The following GLIS3 variants were observed in gnomAD, a reference collection of about 807,000 sequenced individuals.
GLIS3 encodes the protein GLIS family zinc finger 3.
Under a neutral mutation model 78.6 loss-of-function variants are expected in GLIS3, and 53 were observed. The ratio of observed to expected loss-of-function variants is 0.67; its 90% CI spans 0.54 to 0.85. The LOEUF is 0.85. GLIS3 is among the 40% of genes least tolerant of loss of function. The pLI, the probability that GLIS3 is intolerant of heterozygous loss-of-function variation, is 0.00. For synonymous variants in GLIS3, 684 were observed against 509.9 expected, an observed-to-expected ratio of 1.34 and a Z score of -4.60; for missense variants, 1,703 against 1,231.1, an observed-to-expected ratio of 1.38 and a Z score of -5.74.
chr9:4,254,839 C>CAA (rs751442404), intron 2 of GLIS3, among the ~76,000 whole-genome samples: 15 of 70,014 alleles, frequency 2.1e-4, no homozygotes, highest in East Asian at 1.2e-3. Flanking sequence ...GACTACGTCT[C>CAA]AAAAAAAAAA....
At chr9:3,928,271 T>G (rs1372651081) in intron 6 of GLIS3, among the ~76,000 whole-genome samples, 1 of 152,196 alleles carries the variant, frequency 6.6e-6, no homozygotes, top group Non-Finnish European at 1.5e-5. Context: ...TATGACTGAT[T>G]TTTAATTTAT....
At chr9:4,190,712 C>G (rs1395179192) in intron 2 of GLIS3, among the ~76,000 whole-genome samples, 1 of 152,064 alleles carries the variant, frequency 6.6e-6, no homozygotes, top group African/African-American at 2.4e-5. Context: ...AGAAGAGCAA[C>G]TCCAAGACAC....
intron 1 of GLIS3, among the ~76,000 whole-genome samples, chr9:4,348,010 A>G (rs1156918917): frequency 6.6e-6 from 1 of 152,208 alleles, no homozygotes. Flanking sequence ...GATATGCCAA[A>G]AACCAATTTA....
intron 2 of GLIS3, among the ~76,000 whole-genome samples, chr9:4,321,332 G>T (rs71490228): frequency 2.4e-4 from 30 of 127,040 alleles, no homozygotes; most frequent in African/African-American, 1.0e-3. Context: ...TGAGGCAGGA[G>T]AATGGCGTGA....
intron 2 of GLIS3, among the ~76,000 whole-genome samples, chr9:4,234,699 A>G (rs888579452): frequency 2.6e-5 from 4 of 152,254 alleles, no homozygotes; most frequent in Non-Finnish European, 5.9e-5. Context: ...CAGGTTTGCT[A>G]CAAACCTTCA....
chr9:3,910,621 G>C (rs1009022570), intron 6 of GLIS3, among the ~76,000 whole-genome samples: 1 of 152,206 alleles, frequency 6.6e-6, no homozygotes, highest in African/African-American at 2.4e-5. Flanking sequence ...AAGGTGCTGA[G>C]ATTACAGAGG....
upstream of GLIS3, among the ~76,000 whole-genome samples, chr9:4,353,217 G>A (rs1054298887): frequency 3.3e-5 from 5 of 152,176 alleles, no homozygotes; most frequent in African/African-American, 1.2e-4. Flanking sequence ...AAAGTAAGCA[G>A]ACTTCTGTAC....
intron 4 of GLIS3, among the ~76,000 whole-genome samples, chr9:4,111,943 C>A (rs1831247000): frequency 6.6e-6 from 1 of 152,062 alleles, no homozygotes; most frequent in Non-Finnish European, 1.5e-5. Context: ...AGAGAAAATT[C>A]AATATTTTAG....
chr9:4,372,398 G>A, the GLIS3 span, among the ~76,000 whole-genome samples: 2 of 151,888 alleles, frequency 1.3e-5, no homozygotes. Context: ...CCCCTCCCAT[G>A]GTTAGCTAAT....
At chr9:3,944,703 G>A (rs1465597162) in intron 4 of GLIS3, among the ~76,000 whole-genome samples, 1 of 152,238 alleles carries the variant, frequency 6.6e-6, no homozygotes, top group African/African-American at 2.4e-5. Flanking sequence ...GAGCAAATAT[G>A]TTTTATGGCT....
chr9:4,222,835 G>A (rs760949828), intron 2 of GLIS3, among the ~76,000 whole-genome samples: 6 of 152,218 alleles, frequency 3.9e-5, no homozygotes, highest in African/African-American at 7.2e-5. Context: ...TCATTTTGCT[G>A]TCAGTAAGAT....
chr9:4,260,919 A>G (rs1825469122), intron 2 of GLIS3, among the ~76,000 whole-genome samples: 1 of 152,214 alleles, frequency 6.6e-6, no homozygotes, highest in Non-Finnish European at 1.5e-5. Context: ...GCTACTGAGC[A>G]ACAGAAATGT....
At chr9:4,362,022 T>C in the GLIS3 span, among the ~76,000 whole-genome samples, 1 of 152,212 alleles carries the variant, frequency 6.6e-6, no homozygotes, top group African/African-American at 2.4e-5. Flanking sequence ...TTCCCTAGAT[T>C]AGCAAAAAAT....
rs141042640 is a variant in GLIS3, at chr9:3,854,820, A to G, written c.2473+1189T>C. 5.6e-4 allele frequency among the ~76,000 whole-genome samples: 85 copies of G among 152,192 alleles called. 1 individual carries two copies. Among genetic ancestry groups the G allele is most frequent in the African/African-American group, 2.0e-3 (83 of 41,520 alleles). On this transcript the variant is annotated intron_variant, in intron 9 of 10. Coordinates refer to ENST00000381971, the MANE Select transcript of GLIS3 (RefSeq NM_001042413.2). ...CGGCCTCCCAAAGTGCTGGGATTAC[A>G]GGCGTGAGCCACCATGCCCAGCCTA...
At chr9:3,946,607 T>A (rs57862843) in intron 4 of GLIS3, among the ~76,000 whole-genome samples, 10,862 of 152,258 alleles carry the variant, frequency 0.071, 460 homozygotes, top group African/African-American at 0.11. Flanking sequence ...AACATATGGT[T>A]GTATTTTTGT....
chr9:4,074,863 G>C (rs1349304485), intron 4 of GLIS3, among the ~76,000 whole-genome samples: 4 of 152,252 alleles, frequency 2.6e-5, no homozygotes, highest in South Asian at 2.1e-4. Flanking sequence ...CAGAATTTTA[G>C]AGCCTGAAGC....
At chr9:4,159,032 AG>A (rs3063604) in intron 2 of GLIS3, among the ~76,000 whole-genome samples, 1,950 of 39,296 alleles carry the variant, frequency 0.05, 102 homozygotes, top group East Asian at 0.17. Context: ...AAGGAGAAGA[AG>A]AAAAAAAAAA....
chr9:4,008,470 C>T (rs1003525936), intron 4 of GLIS3, among the ~76,000 whole-genome samples: 2 of 152,136 alleles, frequency 1.3e-5, no homozygotes, highest in Non-Finnish European at 2.9e-5. Context: ...AAATCCAGCC[C>T]CTACTAAGAC....
At chr9:4,344,966 C>G in intron 2 of GLIS3, among the ~76,000 whole-genome samples, 1 of 152,346 alleles carries the variant, frequency 6.6e-6, no homozygotes, top group Middle Eastern at 3.4e-3. Context: ...ACTTATCTCT[C>G]ATGTGAATTA....
Sources: gnomAD v4.1 joint callset for allele counts (sites outside exome capture counted in the v4.1 genomes callset) on GRCh38, gnomAD v4.1.1 for gene constraint, MANE v1.5 for transcripts, NCBI Gene and HGNC (gene_info 2026-07-23, HGNC 2026-07-21) for gene names.